The following TSFM variants were observed in gnomAD, a reference collection of about 807,000 sequenced individuals.
TSFM encodes the protein Ts translation elongation factor, mitochondrial.
Under a neutral mutation model 33.4 loss-of-function variants are expected in TSFM, and 29 were observed. That is an observed-to-expected ratio of 0.87 (90% confidence interval 0.65 to 1.18). The LOEUF (loss-of-function observed/expected upper bound fraction) is 1.18, where lower values mean the gene tolerates loss of function less well. Among genes scored for constraint, TSFM ranks in the 50% most tolerant of loss-of-function variants. TSFM has a pLI of 0.00. For synonymous variants in TSFM, 178 were observed against 163.5 expected, an observed-to-expected ratio of 1.09 and a Z score of -0.68; for missense variants, 394 against 395.6, an observed-to-expected ratio of 1.00 and a Z score of 0.04.
chr12:57,792,812 A>G lies in TSFM; in HGVS notation c.484-174A>G, dbSNP rs4631925. Reference sequence around the variant, plus strand: ...TCACCATGTTTGCCAGGCTGGTCTCAAACTCCTGACCTCAGGTGATCCACC... The same window carrying G: ...TCACCATGTTTGCCAGGCTGGTCTCGAACTCCTGACCTCAGGTGATCCACC... On this transcript the variant is annotated intron_variant, in intron 4 of 5. Transcript: ENST00000652027. Among the ~76,000 whole-genome samples, 105,170 of 151,970 alleles carry G rather than the reference A, an allele frequency of 0.69. 37,632 individuals carry two copies. Among genetic ancestry groups the G allele is most frequent in the East Asian group, 0.87 (4,516 of 5,162 alleles).
At chr12:57,784,610 G>A (rs566711694) in intron 2 of TSFM, among the ~76,000 whole-genome samples, 4 of 151,994 alleles carry the variant, frequency 2.6e-5, no homozygotes, top group African/African-American at 9.6e-5. Context: ...TGGGCGTGGT[G>A]GCTCATGCCT....
chr12:57,788,267 C>T (rs1055332865), intron 4 of TSFM, among the ~76,000 whole-genome samples: 2 of 146,958 alleles, frequency 1.4e-5, no homozygotes, highest in South Asian at 2.1e-4. Flanking sequence ...CCAGTGTACC[C>T]TTTTTTTTTT....
chr12:57,802,845 C>T, downstream of TSFM: 1 of 563,120 alleles, frequency 1.8e-6, no homozygotes, highest in Non-Finnish European at 3.1e-6. Flanking sequence ...TCCCTCCATC[C>T]CTACTCCACT....
At chr12:57,786,040 A>G (rs939292435) in intron 2 of TSFM, 123 bp from the exon 3 acceptor site, 5 of 1,234,570 alleles carry the variant, frequency 4.0e-6, no homozygotes, top group Non-Finnish European at 5.4e-6. Flanking sequence ...CCAGTAAATG[A>G]TAGATTACTT....
chr12:57,800,984 CCTG>C (rs1443517885), downstream of TSFM, among the ~76,000 whole-genome samples: 1 of 152,196 alleles, frequency 6.6e-6, no homozygotes, highest in Non-Finnish European at 1.5e-5. Flanking sequence ...GGCTCTGAGA[CCTG>C]CTTTTCTATT....
At chr12:57,783,046 G>A (rs2140412918) in intron 1 of TSFM, 64 bp from the exon 2 acceptor site, 2 of 1,559,094 alleles carry the variant, frequency 1.3e-6, no homozygotes, top group African/African-American at 1.4e-5. Flanking sequence ...TTCCCTGCCC[G>A]TGTACCCTTC....
intron 1 of TSFM, 50 bp downstream of exon 1, chr12:57,782,908 G>C: frequency 6.5e-7 from 1 of 1,550,366 alleles, no homozygotes; most frequent in South Asian, 1.2e-5. Context: ...CAGCTCTCCT[G>C]TGCGCCTGTA....
At position 57,797,288 on chromosome 12, in the gene TSFM, T is replaced by G. The variant is rs946958990; in HGVS notation, c.*705T>G. ...CCCAGAGAGCTCACTTAACATTGCC[T>G]CTTTACTTCCCCAGTACTGAAACAT... On this transcript the variant is annotated 3_prime_UTR_variant, in exon 6 of 6. Coordinates refer to ENST00000652027, the MANE Select transcript of TSFM (RefSeq NM_005726.6). 1.0e-5 allele frequency: 10 copies of G among 985,452 alleles called. No homozygotes were observed. The African/African-American group carries it at 1.7e-4, about 17-fold the overall frequency. The allele number at this position is 985,452 out of a possible 1,614,324, so 61.0% of individuals were successfully genotyped here.
downstream of TSFM, among the ~76,000 whole-genome samples, chr12:57,798,364 C>A (rs1424524683): frequency 6.6e-6 from 1 of 152,174 alleles, no homozygotes; most frequent in African/African-American, 2.4e-5. Context: ...CCCGTAACTA[C>A]CATTTTTACC....
At chr12:57,791,924 C>T in intron 4 of TSFM, 1 of 377,740 alleles carries the variant, frequency 2.6e-6, no homozygotes. Context: ...AAATCTAGCT[C>T]TAACATTTTA....
intron 4 of TSFM, among the ~76,000 whole-genome samples, chr12:57,792,233 G>C (rs1192190531): frequency 1.4e-5 from 2 of 146,430 alleles, no homozygotes; most frequent in Admixed American, 1.4e-4. Context: ...GGCAGAGCGA[G>C]ACTCCATCTC....
chr12:57,796,875 AACTT>A lies in TSFM; in HGVS notation c.*294_*297del. 1 of 1,055,602 alleles carries A rather than the reference AACTT, an allele frequency of 9.5e-7. No individual in the cohort carries two copies. The highest frequency in any genetic ancestry group is 4.6e-5 in the South Asian group (1 of 21,942). The allele number at this position is 1,055,602 out of a possible 1,614,324, so 65.4% of individuals were successfully genotyped here. On this transcript the variant is annotated 3_prime_UTR_variant, in exon 6 of 6. Coordinates refer to ENST00000652027, the MANE Select transcript of TSFM (RefSeq NM_005726.6). The stretch of plus-strand genomic sequence containing the variant: ...TTATTATGGTATTTCTGAAATTTCT[AACTT>A]ATATGTTCTGTCTTACACCTTTTAT...
chr12:57,783,014 A>C (rs11614185), intron 1 of TSFM, 96 bp from the exon 2 acceptor site: 2 of 1,508,510 alleles, frequency 1.3e-6, no homozygotes, highest in African/African-American at 1.4e-5. Context: ...CCCTTTGCAC[A>C]CTGTCCGCTC....
downstream of TSFM, chr12:57,802,043 T>G: frequency 8.5e-7 from 1 of 1,175,376 alleles, no homozygotes; most frequent in Non-Finnish European, 1.2e-6. Context: ...GGGATGGGAG[T>G]AGGGAAATGA....
downstream of TSFM, chr12:57,798,107 G>A (rs1484255717): frequency 8.5e-6 from 5 of 586,306 alleles, no homozygotes; most frequent in South Asian, 2.8e-5. Context: ...GAAGAGGGAA[G>A]TAGAATGAAT....
chr12:57,795,105 A>G (rs1186324652), intron 5 of TSFM, among the ~76,000 whole-genome samples: 1 of 111,760 alleles, frequency 8.9e-6, no homozygotes, highest in Non-Finnish European at 1.9e-5. Flanking sequence ...ATATATATAA[A>G]TTTTTTTTTT....
In TSFM at chr12:57,786,373, C is replaced by T. The variant is rs1261526867; in HGVS notation, c.360+82C>T. On this transcript the variant is annotated intron_variant, in intron 3 of 5. Coordinates refer to ENST00000652027, the MANE Select transcript of TSFM (RefSeq NM_005726.6). ...GTAGTAGGCCCTAAAGGGGCCTGTT[C>T]TTGAAGAAGAGATCTGTTTAAGAAC... 3.5e-6 allele frequency: 5 copies of T among 1,448,246 alleles called. No individual in the cohort carries two copies. In the African/African-American group the frequency reaches 7.1e-5, roughly 21 times the overall value. The allele number at this position is 1,448,246 out of a possible 1,614,324, so 89.7% of individuals were successfully genotyped here. A position where few individuals can be genotyped will look rare whatever the true frequency, so the allele number is the denominator to read the frequency against.
intron 4 of TSFM, among the ~76,000 whole-genome samples, chr12:57,790,395 A>G (rs1955647170): frequency 6.6e-6 from 1 of 152,066 alleles, no homozygotes; most frequent in African/African-American, 2.4e-5. Flanking sequence ...CTGAGATGTC[A>G]TTTGTTCTTC....
chr12:57,796,110 A>G (rs1401381700), intron 5 of TSFM, 67 bp from the exon 6 acceptor site: 8 of 1,434,530 alleles, frequency 5.6e-6, no homozygotes, highest in Admixed American at 2.3e-5. Flanking sequence ...TCTTCTGTGC[A>G]TATTTTGGTA....
Sources: allele counts gnomAD v4.1 joint callset (sites outside exome capture counted in the v4.1 genomes callset), GRCh38; gene constraint gnomAD v4.1.1; transcripts MANE v1.5; gene names NCBI Gene and HGNC (gene_info 2026-07-23, HGNC 2026-07-21).